Variants in CCDC138 observed in about 807,000 individuals in gnomAD.
CCDC138 encodes the protein coiled-coil domain-containing protein 138.
CCDC138 carries 66 observed loss-of-function variants against 82.3 expected under a neutral mutation model. The observed-to-expected ratio is 0.80, with a 90% CI of 0.66 to 0.98. The LOEUF is 0.98. Among genes scored for constraint, CCDC138 ranks in the 50% least tolerant of loss-of-function variants. CCDC138 has a pLI of 0.00. For missense variants in CCDC138, 816 were observed against 758.9 expected, an observed-to-expected ratio of 1.08 and a Z score of -0.88; for synonymous variants, 297 against 265.4, an observed-to-expected ratio of 1.12 and a Z score of -1.16.
At chr2:108,788,389 C>T (rs1679292134) in intron 2 of CCDC138, among the ~76,000 whole-genome samples, 1 of 149,180 alleles carries the variant, frequency 6.7e-6, no homozygotes, top group African/African-American at 2.5e-5. Context: ...CACTACACTC[C>T]AGCCTGGGCA....
chr2:108,873,233 A>G (rs1299072349), intron 13 of CCDC138, among the ~76,000 whole-genome samples: 1 of 152,220 alleles, frequency 6.6e-6, no homozygotes, highest in Non-Finnish European at 1.5e-5. Flanking sequence ...GGAATTTAAT[A>G]TTAGGGTAAA....
intron 13 of CCDC138, among the ~76,000 whole-genome samples, chr2:108,858,345 AAAAC>A (rs373849773): frequency 2.1e-4 from 32 of 151,934 alleles, no homozygotes; most frequent in South Asian, 4.1e-4. Context: ...CTCCGTCTCA[AAAAC>A]AAACAAACAA....
At chr2:108,796,094 G>T (rs1680825273) in intron 5 of CCDC138, among the ~76,000 whole-genome samples, 1 of 152,094 alleles carries the variant, frequency 6.6e-6, no homozygotes, top group Non-Finnish European at 1.5e-5. Context: ...CTGTGCCCAG[G>T]CTGGAGTGCA....
intron 10 of CCDC138, among the ~76,000 whole-genome samples, chr2:108,836,331 C>T (rs1211414095): frequency 6.6e-6 from 1 of 152,172 alleles, no homozygotes; most frequent in African/African-American, 2.4e-5. Flanking sequence ...TAGCATGTGA[C>T]AGGATTTCCT....
At chr2:108,866,937 C>T (rs979107328) in intron 13 of CCDC138, among the ~76,000 whole-genome samples, 3 of 151,258 alleles carry the variant, frequency 2.0e-5, no homozygotes, top group African/African-American at 7.3e-5. Context: ...TTCCCTTTTC[C>T]TCCCCTGTAT....
At position 108,798,461 on chromosome 2, in the gene CCDC138, G is replaced by C. The variant is rs199640547; in HGVS notation, c.610G>C (p.Glu204Gln). 3.7e-5 allele frequency: 60 copies of C among 1,613,466 alleles called. No homozygotes were observed. The highest frequency in any genetic ancestry group is 5.1e-5 in the Non-Finnish European group (60 of 1,179,830). Reference sequence around the variant, plus strand: ...TGCAGCACAACAGAAATTTGCTGAAGAACTTCAAAAGCGAGAACGTTTTTT... The same window carrying C: ...TGCAGCACAACAGAAATTTGCTGAACAACTTCAAAAGCGAGAACGTTTTTT... ...ETAAQQKFAE[E>Q]LQKRERFLLE... Residue 204 changes from glutamate to glutamine, a missense_variant, in exon 6 of 15, where the codon GAA becomes CAA. Coordinates refer to ENST00000295124, the MANE Select transcript of CCDC138 (RefSeq NM_144978.3).
chr2:108,857,014 T>C (rs764101799), intron 13 of CCDC138, 44 bp downstream of exon 13: 1 of 1,173,380 alleles, frequency 8.5e-7, no homozygotes, highest in South Asian at 1.4e-5. Flanking sequence ...CAGGATGATT[T>C]TTCTGTCTTT....
chr2:108,802,890 C>T (rs930205566), intron 6 of CCDC138, among the ~76,000 whole-genome samples: 9 of 152,222 alleles, frequency 5.9e-5, no homozygotes, highest in Middle Eastern at 3.4e-3. Flanking sequence ...GAGATAATCA[C>T]GTGGTTTTTG....
intron 13 of CCDC138, among the ~76,000 whole-genome samples, chr2:108,870,966 T>C (rs991652148): frequency 6.6e-6 from 1 of 152,226 alleles, no homozygotes; most frequent in Admixed American, 6.5e-5. Context: ...ATAAGTGTTA[T>C]GCATATTTAA....
chr2:108,839,525 A>T (rs1340471190), intron 11 of CCDC138, among the ~76,000 whole-genome samples: 1 of 152,172 alleles, frequency 6.6e-6, no homozygotes, highest in Non-Finnish European at 1.5e-5. Flanking sequence ...TGAACATAAA[A>T]TGTCTGTCCA....
In CCDC138 at chr2:108,807,433, A is replaced by T. The variant is rs571961713; in HGVS notation, c.855+2425A>T. 2.6e-5 allele frequency among the ~76,000 whole-genome samples: 4 copies of T among 152,316 alleles called. No individual in the cohort carries two copies. In the South Asian group the frequency reaches 6.2e-4, roughly 24 times the overall value. On this transcript the variant is annotated intron_variant, in intron 7 of 14. Coordinates refer to ENST00000295124, the MANE Select transcript of CCDC138 (RefSeq NM_144978.3). ...ATTATGGGGTACAGTGATATTTGATACAGTAATGTGTAATGATCACAGTAA... is the reference window on the plus strand; with the variant it reads ...ATTATGGGGTACAGTGATATTTGATTCAGTAATGTGTAATGATCACAGTAA...
intron 13 of CCDC138, among the ~76,000 whole-genome samples, chr2:108,863,695 A>G (rs1199492273): frequency 6.6e-6 from 1 of 152,060 alleles, no homozygotes; most frequent in African/African-American, 2.4e-5. Flanking sequence ...TATCATCATT[A>G]TTTATTAAGG....
chr2:108,816,209 G>A, intron 10 of CCDC138, 104 bp downstream of exon 10: 1 of 848,608 alleles, frequency 1.2e-6, no homozygotes, highest in Admixed American at 2.7e-5. Context: ...CCATCACTTT[G>A]GGAGTTCGAG....
chr2:108,883,585 G>A (rs1448593277), intron 2 of CCDC138: 1 of 152,282 alleles, frequency 6.6e-6, no homozygotes, highest in African/African-American at 2.4e-5. Context: ...GATTCAGGAT[G>A]TCCAGTTTCA....
At chr2:108,874,028 AGTT>A (rs1242914718) in intron 14 of CCDC138, among the ~76,000 whole-genome samples, 2 of 152,314 alleles carry the variant, frequency 1.3e-5, no homozygotes, top group South Asian at 4.1e-4. Flanking sequence ...CAGAACATCT[AGTT>A]GTTTCTATAG....
chr2:108,815,939 A>G lies in CCDC138; in HGVS notation c.1042-2A>G, dbSNP rs1322810447. On this transcript the variant is annotated splice_acceptor_variant, in intron 9 of 14. Transcript: ENST00000295124. LOFTEE classifies it high-confidence loss of function. ...ATAAATGATTTAATTTTTGACATAT[A>G]GGTACCACTTAATGGGCAAGTTTAT... 1 of 1,600,204 alleles carries G rather than the reference A, an allele frequency of 6.2e-7. No individual in the cohort carries two copies. The highest frequency in any genetic ancestry group is 1.3e-5 in the African/African-American group (1 of 74,080).
At chr2:108,815,473 T>TTTG (rs1553410568) in intron 9 of CCDC138, among the ~76,000 whole-genome samples, 1 of 138,244 alleles carries the variant, frequency 7.2e-6, no homozygotes, top group African/African-American at 2.8e-5. Context: ...TTTTTTTTTT[T>TTTG]TTTTTTTTTT....
chr2:108,825,722 G>A (rs1167504965), intron 10 of CCDC138, among the ~76,000 whole-genome samples: 1 of 152,028 alleles, frequency 6.6e-6, no homozygotes, highest in Non-Finnish European at 1.5e-5. Flanking sequence ...TGGGTTGTTT[G>A]CATTTGTTGG....
downstream of CCDC138, among the ~76,000 whole-genome samples, chr2:108,876,799 A>G (rs1369485742): frequency 6.6e-6 from 1 of 152,150 alleles, no homozygotes; most frequent in Non-Finnish European, 1.5e-5. Context: ...TTGTTTTCAA[A>G]ATAATTATTA....
Sources: allele counts gnomAD v4.1 joint callset (sites outside exome capture counted in the v4.1 genomes callset), GRCh38; gene constraint gnomAD v4.1.1; transcripts MANE v1.5; gene names NCBI Gene and HGNC (gene_info 2026-07-23, HGNC 2026-07-21).